The following ROBO2 variants were observed in gnomAD, a reference collection of about 807,000 sequenced individuals.
The protein encoded by ROBO2 is roundabout guidance receptor 2, also known as roundabout homolog 2.
Under a neutral mutation model 160.8 loss-of-function variants are expected in ROBO2, and 53 were observed. That is an observed-to-expected ratio of 0.33 (90% CI 0.26 to 0.41). The LOEUF is 0.41. Ranked by LOEUF, ROBO2 falls within the 10% of genes least tolerant of loss-of-function variation. ROBO2 has a pLI of 1.00. For synonymous variants in ROBO2, 664 were observed against 611.7 expected (o/e 1.09, Z -1.26); for missense variants, 1,577 against 1,722.4 (o/e 0.92, Z 1.49).
At chr3:77,567,351 A>G (rs77577610) in intron 12 of ROBO2, among the ~76,000 whole-genome samples, 3,403 of 152,184 alleles carry the variant, frequency 0.022, 128 homozygotes, top group African/African-American at 0.077. Context: ...CAGCTTAAAA[A>G]GTTAATCTGA....
At chr3:77,332,472 C>A (rs1206337921) in intron 2 of ROBO2, among the ~76,000 whole-genome samples, 1 of 152,014 alleles carries the variant, frequency 6.6e-6, no homozygotes, top group Non-Finnish European at 1.5e-5. Flanking sequence ...TGAATCCGAC[C>A]CCATCAATTT....
intron 2 of ROBO2, among the ~76,000 whole-genome samples, chr3:77,308,830 A>G (rs1008918312): frequency 6.6e-6 from 1 of 152,206 alleles, no homozygotes; most frequent in African/African-American, 2.4e-5. Flanking sequence ...ACTTGTACTT[A>G]GAGAAGTTAA....
chr3:76,973,180 C>G (rs2059653769), intron 2 of ROBO2, among the ~76,000 whole-genome samples: 1 of 152,206 alleles, frequency 6.6e-6, no homozygotes, highest in South Asian at 2.1e-4. Flanking sequence ...ATCTCCTCAG[C>G]TTTGGCTTCC....
chr3:77,620,352 T>C (rs2153704787), intron 22 of ROBO2, among the ~76,000 whole-genome samples: 1 of 152,368 alleles, frequency 6.6e-6, no homozygotes, highest in African/African-American at 2.4e-5. Flanking sequence ...ATAAATGTTA[T>C]GTGTCCTCTT....
In ROBO2 at chr3:77,101,959, G is replaced by A. The variant is rs969191450; in HGVS notation, c.388+3619G>A. On this transcript the variant is annotated intron_variant, in intron 2 of 25. Coordinates refer to ENST00000461745, the Ensembl canonical transcript of ROBO2. ...GGAGGCTGAGGCAGGAGAATCACTC[G>A]AACCCAGGAGGCAGAGGTGGCAGTG... Among the ~76,000 whole-genome samples the A allele has an allele frequency of 5.3e-5, 8 of 152,182 alleles. No homozygotes were observed. In the South Asian group the frequency reaches 1.0e-3, roughly 20 times the overall value.
intron 1 of ROBO2, among the ~76,000 whole-genome samples, chr3:77,080,384 G>A (rs2068517074): frequency 6.6e-6 from 1 of 152,036 alleles, no homozygotes; most frequent in African/African-American, 2.4e-5. Context: ...AATACAAATT[G>A]GATTAAAAGA....
intron 16 of ROBO2, among the ~76,000 whole-genome samples, chr3:77,585,254 G>C (rs986159612): frequency 6.7e-6 from 1 of 150,300 alleles, no homozygotes; most frequent in Admixed American, 6.6e-5. Flanking sequence ...GATATTTGGG[G>C]GATTTATTTC....
At position 76,725,055 on chromosome 3, in the gene ROBO2, A is replaced by G. The variant is rs545464706; in HGVS notation, c.110-372959A>G. 3.0e-4 allele frequency among the ~76,000 whole-genome samples: 45 copies of G among 152,316 alleles called. No individual in the cohort carries two copies. The Middle Eastern group carries it at 0.01, about 35-fold the overall frequency. On this transcript the variant is annotated intron_variant, in intron 2 of 26. Coordinates refer to the ROBO2 transcript ENST00000487694. ...CCTGCTGACAACTTGATGTCAGCTC[A>G]GTAATACTGATTTCAGACTTCTGCC...
chr3:76,302,697 C>T (rs978577727), intron 2 of ROBO2, among the ~76,000 whole-genome samples: 1 of 152,030 alleles, frequency 6.6e-6, no homozygotes, highest in Admixed American at 6.6e-5. Flanking sequence ...GATTTGTAAC[C>T]TAGGAGCAAT....
intron 2 of ROBO2, among the ~76,000 whole-genome samples, chr3:76,826,854 G>A (rs1473937709): frequency 6.6e-6 from 1 of 152,130 alleles, no homozygotes; most frequent in Non-Finnish European, 1.5e-5. Context: ...TAGCCCAGAA[G>A]TAAGAGCAAA....
intron 2 of ROBO2, among the ~76,000 whole-genome samples, chr3:76,221,049 T>A (rs1208633178): frequency 6.6e-6 from 1 of 152,188 alleles, no homozygotes; most frequent in Non-Finnish European, 1.5e-5. Context: ...AAGGATCTCC[T>A]GTGTTGTAGA....
intron 2 of ROBO2, among the ~76,000 whole-genome samples, chr3:75,984,584 AAAT>A (rs2065363207): frequency 6.6e-6 from 1 of 151,502 alleles, no homozygotes; most frequent in Non-Finnish European, 1.5e-5. Context: ...GAATGAACAC[AAAT>A]AGCCCAATAG....
chr3:76,981,524 T>C (rs763295449), intron 2 of ROBO2, among the ~76,000 whole-genome samples: 2 of 152,218 alleles, frequency 1.3e-5, no homozygotes, highest in African/African-American at 2.4e-5. Context: ...TTGTTTTTAT[T>C]ATTGAGTTAA....
intron 2 of ROBO2, among the ~76,000 whole-genome samples, chr3:76,726,328 T>C (rs1463529695): frequency 1.3e-5 from 2 of 152,140 alleles, no homozygotes; most frequent in Admixed American, 6.5e-5. Context: ...AATCGTTAAT[T>C]ATTAGTAGTT....
intron 23 of ROBO2, among the ~76,000 whole-genome samples, chr3:77,625,928 A>C (rs2095013376): frequency 6.6e-6 from 1 of 152,150 alleles, no homozygotes. Flanking sequence ...AACCCTATTA[A>C]TAGTATTATT....
intron 2 of ROBO2, among the ~76,000 whole-genome samples, chr3:77,453,264 C>A (rs1040218639): frequency 6.6e-6 from 1 of 152,214 alleles, no homozygotes; most frequent in East Asian, 1.9e-4. Context: ...ATTTATTGAG[C>A]AACTTTCTCA....
In ROBO2 at chr3:76,707,585, G is replaced by A. The variant is rs140012635; in HGVS notation, c.110-390429G>A. Among the ~76,000 whole-genome samples the A allele has an allele frequency of 3.8e-3, 572 of 151,138 alleles. 3 individuals carry two copies. Among genetic ancestry groups the A allele is most frequent in the Middle Eastern group, 6.9e-3 (2 of 290 alleles). ...TCCTCCCTCTACTGACAGGTACTAC[G>A]AGAGATCTTCACACACTACAGACCT... On this transcript the variant is annotated intron_variant, in intron 2 of 26. Transcript: ENST00000487694.
At position 76,971,240 on chromosome 3, in the gene ROBO2, G is replaced by A. The variant is rs867737159; in HGVS notation, c.110-126774G>A. ...AATTAATTGCCCAGCATTTTCCCTG[G>A]GATATCCCTGCCTCTGACACTATAA... On this transcript the variant is annotated intron_variant, in intron 2 of 26. Coordinates refer to the ROBO2 transcript ENST00000487694. 1.4e-4 allele frequency among the ~76,000 whole-genome samples: 21 copies of A among 152,048 alleles called. 1 individual carries two copies. Among genetic ancestry groups the A allele is most frequent in the African/African-American group, 4.6e-4 (19 of 41,472 alleles).
At chr3:76,058,966 A>G (rs1051322771) in intron 2 of ROBO2, among the ~76,000 whole-genome samples, 2 of 151,300 alleles carry the variant, frequency 1.3e-5, no homozygotes, top group African/African-American at 4.9e-5. Context: ...ATGTCCCTAC[A>G]AAGGACATGA....
Sources: allele counts gnomAD v4.1 joint callset (sites outside exome capture counted in the v4.1 genomes callset), GRCh38; gene constraint gnomAD v4.1.1; transcripts MANE v1.5; gene names NCBI Gene and HGNC (gene_info 2026-07-23, HGNC 2026-07-21).